LDLRAD4: variants seen among roughly 807,000 people sequenced by gnomAD.
LDLRAD4 encodes low density lipoprotein receptor class A domain containing 4, also known as low-density lipoprotein receptor class A domain-containing protein 4.
A neutral mutation model predicts 17.0 loss-of-function variants in LDLRAD4; 5 were observed. The observed-to-expected ratio is 0.29, with a 90% CI of 0.15 to 0.62. The LOEUF is 0.62. Among genes scored for constraint, LDLRAD4 ranks in the 20% least tolerant of loss-of-function variants. The pLI is 0.84. For missense variants in LDLRAD4, 340 were observed against 424.7 expected, an observed-to-expected ratio of 0.80 and a Z score of 1.75; for synonymous variants, 168 against 171.8, an observed-to-expected ratio of 0.98 and a Z score of 0.17.
chr18:13,602,176 G>T (rs2095170739), intron 3 of LDLRAD4, among the ~76,000 whole-genome samples: 1 of 152,112 alleles, frequency 6.6e-6, no homozygotes, highest in South Asian at 2.1e-4. Context: ...AAGGAGAGAG[G>T]TGGGAAAGGG....
At chr18:13,506,656 G>T (rs1181432932) in intron 3 of LDLRAD4, among the ~76,000 whole-genome samples, 1 of 152,282 alleles carries the variant, frequency 6.6e-6, no homozygotes, top group South Asian at 2.1e-4. Context: ...CACTGTAGAT[G>T]GAATAGCCCT....
At chr18:13,506,328 G>A (rs372268276) in intron 3 of LDLRAD4, among the ~76,000 whole-genome samples, 15 of 151,204 alleles carry the variant, frequency 9.9e-5, no homozygotes, top group African/African-American at 2.4e-4. Flanking sequence ...CCATTAACTC[G>A]TCATTTACAT....
chr18:13,255,549 G>A (rs1359724873), intron 1 of LDLRAD4, among the ~76,000 whole-genome samples: 1 of 152,220 alleles, frequency 6.6e-6, no homozygotes, highest in Non-Finnish European at 1.5e-5. Context: ...GTGTGGGTAT[G>A]TGTGATTTCC....
chr18:13,247,980 A>G (rs1420721958), intron 1 of LDLRAD4, among the ~76,000 whole-genome samples: 1 of 106,436 alleles, frequency 9.4e-6, no homozygotes, highest in Non-Finnish European at 1.7e-5. Flanking sequence ...TTTTTTTTAA[A>G]GACAGAGTCT....
intron 3 of LDLRAD4, among the ~76,000 whole-genome samples, chr18:13,564,529 G>T (rs894448051): frequency 7.9e-6 from 1 of 126,198 alleles, no homozygotes; most frequent in Non-Finnish European, 1.6e-5. Flanking sequence ...GCTCTCCTTG[G>T]TTTTTCTGTT....
rs77505394 is a variant in LDLRAD4, at chr18:13,399,474, CAT to C, written c.40+11713_40+11714del. On this transcript the variant is annotated intron_variant, in intron 2 of 5. Transcript: ENST00000359446. The stretch of plus-strand genomic sequence containing the variant: ...AAAGCACTTGCAACGAAGCCAGACA[CAT>C]GTGTAAACATGCAATAAATAGTTAT... Among the ~76,000 whole-genome samples the C allele has an allele frequency of 4.1e-4, 63 of 152,352 alleles. 1 individual carries two copies. In the East Asian group the frequency reaches 4.4e-3, roughly 11 times the overall value.
At chr18:13,430,716 G>T (rs1235143536) in intron 2 of LDLRAD4, among the ~76,000 whole-genome samples, 3 of 152,166 alleles carry the variant, frequency 2.0e-5, no homozygotes, top group South Asian at 4.1e-4. Flanking sequence ...TTGAAAAAAT[G>T]AAGTATATTT....
At chr18:13,311,990 C>A (rs1305910188) in intron 1 of LDLRAD4, among the ~76,000 whole-genome samples, 1 of 152,110 alleles carries the variant, frequency 6.6e-6, no homozygotes, top group Non-Finnish European at 1.5e-5. Context: ...CACCACCACA[C>A]CCGGCTATTT....
At chr18:13,318,104 C>A (rs188684925) in intron 1 of LDLRAD4, among the ~76,000 whole-genome samples, 3 of 152,244 alleles carry the variant, frequency 2.0e-5, no homozygotes, top group Non-Finnish European at 4.4e-5. Context: ...AGTCACTGTT[C>A]CCTGAGTGTT....
intron 1 of LDLRAD4, among the ~76,000 whole-genome samples, chr18:13,221,647 A>G (rs1400533620): frequency 1.3e-5 from 2 of 152,128 alleles, no homozygotes; most frequent in South Asian, 2.1e-4. Flanking sequence ...TTGGGTTTGA[A>G]TTTTCAGTTA....
At chr18:13,345,586 G>T (rs1599563784) in intron 1 of LDLRAD4, among the ~76,000 whole-genome samples, 1 of 152,186 alleles carries the variant, frequency 6.6e-6, no homozygotes, top group Non-Finnish European at 1.5e-5. Flanking sequence ...TCAGGATGAT[G>T]CTGGCCTCAT....
At chr18:13,409,683 C>T (rs1277716353) in intron 2 of LDLRAD4, among the ~76,000 whole-genome samples, 4 of 152,152 alleles carry the variant, frequency 2.6e-5, no homozygotes, top group Admixed American at 6.5e-5. Flanking sequence ...TTGGGCCATT[C>T]GCAAGCTGGA....
chr18:13,334,558 T>C (rs1188227710), intron 1 of LDLRAD4, among the ~76,000 whole-genome samples: 1 of 152,226 alleles, frequency 6.6e-6, no homozygotes, highest in African/African-American at 2.4e-5. Context: ...TATATTAACT[T>C]TGTATCCTAG....
chr18:13,553,727 T>C (rs2094457257), intron 3 of LDLRAD4, among the ~76,000 whole-genome samples: 1 of 152,220 alleles, frequency 6.6e-6, no homozygotes, highest in South Asian at 2.1e-4. Flanking sequence ...ACCGCGTCTG[T>C]CCTTCGCATG....
chr18:13,329,072 A>T (rs1250702441), intron 1 of LDLRAD4, among the ~76,000 whole-genome samples: 3 of 152,100 alleles, frequency 2.0e-5, no homozygotes, highest in African/African-American at 7.2e-5. Flanking sequence ...AGATTTTTTA[A>T]CCCTGTGTTG....
In LDLRAD4 at chr18:13,621,849, G is replaced by C. The variant is rs962464435; in HGVS notation, c.336+578G>C. Among the ~76,000 whole-genome samples, 7 of 151,896 alleles carry C rather than the reference G, an allele frequency of 4.6e-5. No homozygotes were observed. Among genetic ancestry groups the C allele is most frequent in the East Asian group, 1.9e-4 (1 of 5,176 alleles). On this transcript the variant is annotated intron_variant, in intron 4 of 5. Transcript: ENST00000359446. The surrounding 1 kb of genome is among the most constrained non-coding windows in gnomAD (Gnocchi z 5.5). ...GTCGGCGGTAGGGTTGTCGGCGGTG[G>C]GTTGTGGAGGGTGGGGTTGTGGAGG...
intron 3 of LDLRAD4, among the ~76,000 whole-genome samples, chr18:13,496,038 C>G (rs1441004134): frequency 6.6e-6 from 1 of 152,176 alleles, no homozygotes; most frequent in Admixed American, 6.5e-5. Flanking sequence ...GGCCTCCCTT[C>G]TCTGCCTCGA....
In LDLRAD4 at chr18:13,367,516, G is replaced by A. The variant is rs138893557; in HGVS notation, c.-382-19825G>A. ...ATTCAGTGCACACCAGGCAGCTTCC[G>A]TCCAGGCGGAGAGCCAGGGCCCGGG... On this transcript the variant is annotated intron_variant, in intron 1 of 5. Coordinates refer to ENST00000359446, the Ensembl canonical transcript of LDLRAD4. This position sits in a 1 kb window ranked among gnomAD's most constrained non-coding sequence, Gnocchi z 4.1. Among the ~76,000 whole-genome samples the A allele has an allele frequency of 2.8e-4, 43 of 152,308 alleles. No homozygotes were observed. The East Asian group carries it at 5.4e-3, about 19-fold the overall frequency.
At chr18:13,442,783 G>C (rs1036938241) in intron 3 of LDLRAD4, among the ~76,000 whole-genome samples, 1 of 152,210 alleles carries the variant, frequency 6.6e-6, no homozygotes, top group Non-Finnish European at 1.5e-5. Flanking sequence ...TGAGTGGTCT[G>C]TGCAGCCTGG....
Sources: gnomAD v4.1 joint callset for allele counts (sites outside exome capture counted in the v4.1 genomes callset) on GRCh38, gnomAD v4.1.1 for gene constraint, Gnocchi (gnomAD v3.1) non-coding constraint, MANE v1.5 for transcripts, NCBI Gene and HGNC (gene_info 2026-07-23, HGNC 2026-07-21) for gene names.